The following NLGN1 variants were observed in gnomAD, a reference collection of about 807,000 sequenced individuals.
The protein encoded by NLGN1 is neuroligin 1.
NLGN1 carries 12 observed loss-of-function variants against 65.5 expected under a neutral mutation model. The ratio of observed to expected loss-of-function variants is 0.18; its 90% CI spans 0.12 to 0.30. The LOEUF (loss-of-function observed/expected upper bound fraction) is 0.30. Among genes scored for constraint, NLGN1 ranks in the 10% least tolerant of loss-of-function variants. The pLI is 1.00. For missense variants in NLGN1, 750 were observed against 1,007.1 expected (o/e 0.74, Z 3.46); for synonymous variants, 350 against 359.5 (o/e 0.97, Z 0.30).
intron 4 of NLGN1, among the ~76,000 whole-genome samples, chr3:174,234,041 T>C (rs998396468): frequency 2.0e-5 from 3 of 152,154 alleles, no homozygotes; most frequent in African/African-American, 7.2e-5. Flanking sequence ...TTAAGTTCCA[T>C]GTGAATAGAA....
intron 2 of NLGN1, among the ~76,000 whole-genome samples, chr3:173,436,159 G>T (rs1379595756): frequency 1.3e-5 from 2 of 152,198 alleles, no homozygotes; most frequent in Non-Finnish European, 2.9e-5. Flanking sequence ...AGACAGAAAT[G>T]ATTATTTAGC....
intron 2 of NLGN1, among the ~76,000 whole-genome samples, chr3:173,447,840 T>A (rs1295958005): frequency 6.6e-6 from 1 of 152,168 alleles, no homozygotes; most frequent in Non-Finnish European, 1.5e-5. Flanking sequence ...TGGGAGTTCA[T>A]TCATGATTTG....
At chr3:174,169,890 A>C (rs2152731819) in intron 4 of NLGN1, among the ~76,000 whole-genome samples, 1 of 152,190 alleles carries the variant, frequency 6.6e-6, no homozygotes, top group Non-Finnish European at 1.5e-5. Context: ...CAGCATTTTC[A>C]AGCCTCTCCC....
At chr3:174,110,097 A>G (rs951180870) in intron 4 of NLGN1, among the ~76,000 whole-genome samples, 4 of 151,976 alleles carry the variant, frequency 2.6e-5, no homozygotes, top group African/African-American at 9.7e-5. Flanking sequence ...TGTCATTTTT[A>G]GAAGTGAACA....
chr3:173,933,862 G>A (rs890874937), intron 4 of NLGN1, among the ~76,000 whole-genome samples: 39 of 151,974 alleles, frequency 2.6e-4, no homozygotes, highest in African/African-American at 8.5e-4. Context: ...CAAAGGTTCA[G>A]TTTGGTTTGG....
intron 2 of NLGN1, among the ~76,000 whole-genome samples, chr3:173,546,754 A>C (rs1739918558): frequency 6.6e-6 from 1 of 152,222 alleles, no homozygotes; most frequent in Non-Finnish European, 1.5e-5. Flanking sequence ...GTCAAGAATC[A>C]TTCCTTTACA....
At chr3:173,866,190 G>C (rs1730127049) in intron 4 of NLGN1, among the ~76,000 whole-genome samples, 1 of 152,182 alleles carries the variant, frequency 6.6e-6, no homozygotes, top group Non-Finnish European at 1.5e-5. Flanking sequence ...AGGTAGCTCA[G>C]TACCTTGAAC....
chr3:173,874,636 G>A (rs1237776317), intron 4 of NLGN1, among the ~76,000 whole-genome samples: 1 of 152,122 alleles, frequency 6.6e-6, no homozygotes, highest in South Asian at 2.1e-4. Flanking sequence ...TTCAATTAGA[G>A]GTTAGTGATG....
At chr3:173,525,888 T>G (rs939895683) in intron 2 of NLGN1, among the ~76,000 whole-genome samples, 1 of 152,166 alleles carries the variant, frequency 6.6e-6, no homozygotes, top group African/African-American at 2.4e-5. Flanking sequence ...TTACTTAGTT[T>G]TCTTGTACTT....
At chr3:174,247,545 C>G (rs1278577872) in intron 4 of NLGN1, among the ~76,000 whole-genome samples, 1 of 152,222 alleles carries the variant, frequency 6.6e-6, no homozygotes, top group Admixed American at 6.5e-5. Context: ...GACTTCTCAT[C>G]TAAATGATTT....
intron 4 of NLGN1, among the ~76,000 whole-genome samples, chr3:174,264,470 C>T (rs1386333399): frequency 2.7e-5 from 4 of 150,440 alleles, no homozygotes; most frequent in African/African-American, 4.9e-5. Flanking sequence ...TCTAGTTGAT[C>T]GCATCGGCTC....
intron 4 of NLGN1, among the ~76,000 whole-genome samples, chr3:174,135,540 C>G (rs2152680256): frequency 6.6e-6 from 1 of 152,150 alleles, no homozygotes; most frequent in Admixed American, 6.5e-5. Flanking sequence ...TTTATTCACT[C>G]TAGTTTTTAG....
intron 4 of NLGN1, among the ~76,000 whole-genome samples, chr3:174,230,682 C>T (rs911194221): frequency 6.6e-6 from 1 of 152,040 alleles, no homozygotes; most frequent in Non-Finnish European, 1.5e-5. Flanking sequence ...GTTCCAGCTA[C>T]TGAGGGGGTG....
Position 174,034,535 on chromosome 3 carries a change from A to G in NLGN1, c.646+226703A>G, listed in dbSNP as rs142243537. ...TAAGTAAAATGACAGCAATGTCACAAGGGATGAGAAGGAGGAATTGGGAAT... is the reference window on the plus strand; with the variant it reads ...TAAGTAAAATGACAGCAATGTCACAGGGGATGAGAAGGAGGAATTGGGAAT... On this transcript the variant is annotated intron_variant, in intron 4 of 6. Transcript: ENST00000457714. 3.9e-5 allele frequency among the ~76,000 whole-genome samples: 6 copies of G among 152,244 alleles called. No individual in the cohort carries two copies. The East Asian group carries it at 1.2e-3, about 29-fold the overall frequency.
At chr3:174,009,074 C>A (rs1725004349) in intron 4 of NLGN1, among the ~76,000 whole-genome samples, 1 of 152,096 alleles carries the variant, frequency 6.6e-6, no homozygotes, top group East Asian at 1.9e-4. Context: ...AAGATCAAGG[C>A]ATTGGCAAAC....
At chr3:173,780,827 T>C in intron 3 of NLGN1, among the ~76,000 whole-genome samples, 1 of 152,058 alleles carries the variant, frequency 6.6e-6, no homozygotes, top group Non-Finnish European at 1.5e-5. Context: ...ATGAAAATAA[T>C]ATATGTTCAT....
intron 3 of NLGN1, among the ~76,000 whole-genome samples, chr3:173,620,526 G>A (rs1753825186): frequency 1.3e-5 from 2 of 152,006 alleles, no homozygotes; most frequent in South Asian, 4.1e-4. Context: ...TTGGAGGAAA[G>A]AGAAAGTGTC....
intron 2 of NLGN1, among the ~76,000 whole-genome samples, chr3:173,518,562 G>A (rs1358533695): frequency 6.6e-6 from 1 of 151,612 alleles, no homozygotes; most frequent in Non-Finnish European, 1.5e-5. Context: ...ATGTGTGTGT[G>A]TGTGGTGTGT....
chr3:173,528,392 C>G (rs964374913), intron 2 of NLGN1, among the ~76,000 whole-genome samples: 1 of 152,082 alleles, frequency 6.6e-6, no homozygotes, highest in Non-Finnish European at 1.5e-5. Context: ...ATTGACCTTG[C>G]ATAGCTTTAT....
Sources: allele counts gnomAD v4.1 joint callset (sites outside exome capture counted in the v4.1 genomes callset), GRCh38; gene constraint gnomAD v4.1.1; transcripts MANE v1.5; gene names NCBI Gene and HGNC (gene_info 2026-07-23, HGNC 2026-07-21).